Variants in TSHR observed in about 807,000 individuals in gnomAD.
The protein encoded by TSHR is thyrotropin receptor.
TSHR carries 51 observed loss-of-function variants against 64.1 expected under a neutral mutation model. The observed-to-expected ratio is 0.80, with a 90% CI of 0.64 to 1.01. The LOEUF is 1.01. Among genes scored for constraint, TSHR ranks in the 50% least tolerant of loss-of-function variants. The probability of loss-of-function intolerance (pLI) is 0.00; values close to 1 mark genes in which losing one functional copy is unlikely to be tolerated. For missense variants in TSHR, 877 were observed against 942.8 expected (o/e 0.93, Z 0.91); for synonymous variants, 361 against 361.9 (o/e 1.00, Z 0.03).
chr14:80,961,799 C>A (rs1191055276), intron 1 of TSHR, among the ~76,000 whole-genome samples: 3 of 152,106 alleles, frequency 2.0e-5, no homozygotes, highest in Admixed American at 2.0e-4. Flanking sequence ...GTAACAATTA[C>A]TTTGAGGAGT....
At chr14:80,977,139 G>T (rs1030656665) in intron 1 of TSHR, among the ~76,000 whole-genome samples, 1 of 152,222 alleles carries the variant, frequency 6.6e-6, no homozygotes, top group African/African-American at 2.4e-5. Context: ...GTCTCTCATG[G>T]TCGGATGCTG....
At chr14:81,005,222 TGTGTGTGTGTGTGTG>T in intron 1 of TSHR, among the ~76,000 whole-genome samples, 1 of 117,010 alleles carries the variant, frequency 8.5e-6, no homozygotes, top group Non-Finnish European at 1.8e-5. Context: ...TGTGTGTGTG[TGTGTGTGTGTGTGTG>T]TGTGCACGCA....
At chr14:81,078,273 A>G (rs1456104645) in intron 3 of TSHR, among the ~76,000 whole-genome samples, 1 of 152,184 alleles carries the variant, frequency 6.6e-6, no homozygotes, top group African/African-American at 2.4e-5. Flanking sequence ...TTAATATTTG[A>G]AAAACACTTT....
intron 8 of TSHR, among the ~76,000 whole-genome samples, chr14:81,129,388 A>G (rs1344103350): frequency 6.6e-6 from 1 of 152,186 alleles, no homozygotes; most frequent in African/African-American, 2.4e-5. Flanking sequence ...TACGCAGCCA[A>G]CTAACTACCT....
At chr14:81,005,969 T>A (rs761073109) in intron 1 of TSHR, among the ~76,000 whole-genome samples, 56 of 152,210 alleles carry the variant, frequency 3.7e-4, no homozygotes, top group Non-Finnish European at 7.1e-4. Flanking sequence ...AGCCCTTAAT[T>A]TTATATCATA....
At chr14:80,990,261 T>C (rs58838870) in intron 1 of TSHR, among the ~76,000 whole-genome samples, 19,208 of 152,242 alleles carry the variant, frequency 0.13, 1,610 homozygotes, top group East Asian at 0.43. Flanking sequence ...CAGCAGGGAA[T>C]GTGGCAAGTG....
At chr14:81,002,792 T>TAG (rs1889400885) in intron 1 of TSHR, among the ~76,000 whole-genome samples, 6 of 35,818 alleles carry the variant, frequency 1.7e-4, no homozygotes, top group Admixed American at 5.2e-4. Context: ...TTTTTTTTTT[T>TAG]TTTTTTTTTT....
At chr14:81,052,902 A>G (rs574766892) in intron 1 of TSHR, 31 of 152,162 alleles carry the variant, frequency 2.0e-4, no homozygotes, top group African/African-American at 7.0e-4. Context: ...ACTTTACTGA[A>G]TTTTATTCAT....
chr14:81,101,261 G>A (rs937954572), intron 7 of TSHR, among the ~76,000 whole-genome samples: 2 of 152,118 alleles, frequency 1.3e-5, no homozygotes, highest in Admixed American at 6.5e-5. Context: ...AGATAGCTGT[G>A]GAGATTCTAA....
At chr14:81,030,595 T>C (rs1045132659) in intron 1 of TSHR, among the ~76,000 whole-genome samples, 1 of 152,154 alleles carries the variant, frequency 6.6e-6, no homozygotes. Context: ...TTACCAGTAG[T>C]TTTTCATTTT....
At chr14:81,113,142 T>A (rs999928480) in intron 8 of TSHR, among the ~76,000 whole-genome samples, 20 of 152,188 alleles carry the variant, frequency 1.3e-4, no homozygotes, top group African/African-American at 4.3e-4. Flanking sequence ...CTTAGGAATA[T>A]GCCAAAATAA....
intron 8 of TSHR, among the ~76,000 whole-genome samples, chr14:81,123,835 T>C (rs904570398): frequency 2.0e-5 from 3 of 152,216 alleles, no homozygotes; most frequent in African/African-American, 7.2e-5. Flanking sequence ...AGGTTTTTTA[T>C]TGATTGATTT....
intron 7 of TSHR, among the ~76,000 whole-genome samples, chr14:81,098,350 A>T (rs1030809354): frequency 9.9e-5 from 15 of 152,212 alleles, no homozygotes; most frequent in African/African-American, 3.6e-4. Flanking sequence ...TTGTTTTTTA[A>T]ATCATTATTA....
intron 1 of TSHR, among the ~76,000 whole-genome samples, chr14:81,054,929 A>G (rs756110182): frequency 6.6e-6 from 1 of 152,184 alleles, no homozygotes; most frequent in Non-Finnish European, 1.5e-5. Context: ...AGAAAATTGC[A>G]TAAGTAATGA....
At chr14:81,089,189 T>C (rs1426759170) in intron 4 of TSHR, among the ~76,000 whole-genome samples, 4 of 152,020 alleles carry the variant, frequency 2.6e-5, no homozygotes, top group African/African-American at 9.7e-5. Context: ...GGTTTCACCA[T>C]GTTGGCCAGG....
At chr14:81,001,499 A>ATT (rs1409289868) in intron 1 of TSHR, 10 of 518,434 alleles carry the variant, frequency 1.9e-5, no homozygotes, top group African/African-American at 1.8e-4. Flanking sequence ...TAAGTTCGGC[A>ATT]TTTCTCTCAG....
At position 81,130,225 on chromosome 14, in the gene TSHR, C is replaced by T. The variant is rs1891179992; in HGVS notation, c.693-9454C>T. Among the ~76,000 whole-genome samples, 3 of 152,144 alleles carry T rather than the reference C, an allele frequency of 2.0e-5. No homozygotes were observed. In the South Asian group the frequency reaches 6.2e-4, roughly 32 times the overall value. ...TTCAAATCTACTTCCACCTACTGCC[C>T]TATTTATCTGTGTCTTTTTGCAGCA... On this transcript the variant is annotated intron_variant, in intron 8 of 9. Coordinates refer to ENST00000298171, the MANE Select transcript of TSHR (RefSeq NM_000369.5).
At chr14:81,066,407 T>C (rs992116088) in intron 2 of TSHR, among the ~76,000 whole-genome samples, 6 of 152,308 alleles carry the variant, frequency 3.9e-5, no homozygotes, top group African/African-American at 1.4e-4. Flanking sequence ...ATGTTAGAAA[T>C]ATATTTGTAT....
At chr14:80,984,230 G>A (rs1888323639) in intron 1 of TSHR, among the ~76,000 whole-genome samples, 1 of 152,138 alleles carries the variant, frequency 6.6e-6, no homozygotes, top group Admixed American at 6.5e-5. Flanking sequence ...GAAAGATCCA[G>A]AATTTCAGAC....
Sources: allele counts gnomAD v4.1 joint callset (sites outside exome capture counted in the v4.1 genomes callset), GRCh38; gene constraint gnomAD v4.1.1; transcripts MANE v1.5; gene names NCBI Gene and HGNC (gene_info 2026-07-23, HGNC 2026-07-21).